The following UHMK1 variants were observed in gnomAD, a reference collection of about 807,000 sequenced individuals.
UHMK1 encodes the protein serine/threonine-protein kinase Kist.
Under a neutral mutation model 44.0 loss-of-function variants are expected in UHMK1, and 18 were observed. That is an observed-to-expected ratio of 0.41 (90% CI 0.28 to 0.61). The LOEUF (loss-of-function observed/expected upper bound fraction) is 0.61. Among genes scored for constraint, UHMK1 ranks in the 20% least tolerant of loss-of-function variants. The pLI is 0.31. For missense variants in UHMK1, 463 were observed against 522.5 expected, an observed-to-expected ratio of 0.89 and a Z score of 1.11; for synonymous variants, 231 against 198.5, an observed-to-expected ratio of 1.16 and a Z score of -1.38.
At chr1:162,504,761 A>G (rs115892532) in intron 4 of UHMK1, among the ~76,000 whole-genome samples, 2,064 of 152,098 alleles carry the variant, frequency 0.014, 19 homozygotes, top group Non-Finnish European at 0.02. Flanking sequence ...TGCCTACACT[A>G]AATTTATTTT....
chr1:162,522,379 T>C (rs766102444), intron 7 of UHMK1, 25 bp from the exon 8 acceptor site: 3 of 1,612,904 alleles, frequency 1.9e-6, no homozygotes, highest in Non-Finnish European at 2.5e-6. Context: ...GGAAATGAAA[T>C]GTTTTTTTCT....
In UHMK1 at chr1:162,515,393, A is replaced by G. The variant is rs114525401; in HGVS notation, c.1024+2570A>G. On this transcript the variant is annotated intron_variant, in intron 6 of 7. Coordinates refer to ENST00000489294, the MANE Select transcript of UHMK1 (RefSeq NM_175866.5). ...AGCTCTTATTTTTCTATTTAAAAAT[A>G]TCAATTGCTTAATATTAAATATTCT... Among the ~76,000 whole-genome samples, 901 of 152,330 alleles carry G rather than the reference A, an allele frequency of 5.9e-3. 10 individuals are homozygous for G. Among genetic ancestry groups the G allele is most frequent in the African/African-American group, 0.021 (853 of 41,582 alleles).
At chr1:162,514,331 T>C (rs570372637) in intron 6 of UHMK1, among the ~76,000 whole-genome samples, 2 of 151,992 alleles carry the variant, frequency 1.3e-5, no homozygotes, top group South Asian at 2.1e-4. Context: ...ACATGATGTC[T>C]CTCACTTACT....
Position 162,529,535 on chromosome 1 carries a change from A to G in UHMK1, c.*6985A>G, listed in dbSNP as rs1468502834. The stretch of plus-strand genomic sequence containing the variant: ...GTTCAGTTTTGTTGTAAACTGACTT[A>G]CCATAAGATGCACTGTTGATAATGC... On this transcript the variant is annotated 3_prime_UTR_variant, in exon 8 of 8. Transcript: ENST00000489294. 1 of 152,202 alleles carries G rather than the reference A, an allele frequency of 6.6e-6. No homozygotes were observed. Among genetic ancestry groups the G allele is most frequent in the Non-Finnish European group, 1.5e-5 (1 of 68,012 alleles). 9.4% of individuals were successfully genotyped at this position (152,202 alleles called of 1,614,324 possible).
chr1:162,505,376 A>C (rs1463997498), intron 4 of UHMK1, among the ~76,000 whole-genome samples: 1 of 151,898 alleles, frequency 6.6e-6, no homozygotes, highest in Admixed American at 6.6e-5. Context: ...TTTACAGTCA[A>C]CTTTTTGGGG....
chr1:162,520,916 A>T (rs1652031584), intron 7 of UHMK1, among the ~76,000 whole-genome samples: 1 of 152,212 alleles, frequency 6.6e-6, no homozygotes, highest in African/African-American at 2.4e-5. Flanking sequence ...AGACAGGAGA[A>T]GTCTTTTCCA....
rs1248622676 is a variant in UHMK1 at position 162,512,785 on chromosome 1, T to C, written c.986T>C (p.Leu329Pro). 6.2e-7 allele frequency: 1 copy of C among 1,614,072 alleles called. No homozygotes were observed. Among genetic ancestry groups the C allele is most frequent in the Non-Finnish European group, 8.5e-7 (1 of 1,180,028 alleles). Residue 329 changes from leucine (L) to proline (P), a missense_variant, in exon 6 of 8, where the codon CTG becomes CCG. This residue lies in a region of UHMK1 where 264 missense variants were observed against 326.3 expected (regional missense o/e 0.81). Coordinates refer to ENST00000489294, the MANE Select transcript of UHMK1 (RefSeq NM_175866.5). ...PTPVLRLLNVLDDDYLENEEE... is the reference protein window; with the variant it reads ...PTPVLRLLNVPDDDYLENEEE... ...CCAGTGCTAAGACTGCTGAATGTGC[T>C]GGATGATGATTATCTTGAGAATGAA...
chr1:162,502,809 C>G lies in UHMK1; in HGVS notation c.754-945C>G, dbSNP rs146108902. Among the ~76,000 whole-genome samples, 280 of 152,336 alleles carry G rather than the reference C, an allele frequency of 1.8e-3. 7 individuals are homozygous for G. In the East Asian group the frequency reaches 0.04, roughly 22 times the overall value. On this transcript the variant is annotated intron_variant, in intron 3 of 7. Transcript: ENST00000489294. Reference sequence around the variant, plus strand: ...TTACTAAGTTATTTATTTAGGTTCACTAAGCCATAGTTTGCTTTCTTTAAA... The same window carrying G: ...TTACTAAGTTATTTATTTAGGTTCAGTAAGCCATAGTTTGCTTTCTTTAAA...
At chr1:162,517,961 TTG>T in intron 6 of UHMK1, 139 bp from the exon 7 acceptor site, 1 of 579,630 alleles carries the variant, frequency 1.7e-6, no homozygotes, top group Non-Finnish European at 3.1e-6. Flanking sequence ...TTTGAATCAT[TTG>T]AATGTCAACT....
intron 1 of UHMK1, among the ~76,000 whole-genome samples, chr1:162,499,625 A>G (rs1011570262): frequency 2.0e-5 from 3 of 151,974 alleles, no homozygotes; most frequent in African/African-American, 4.8e-5. Context: ...ATTTATTTAT[A>G]TTTAGGTTTT....
At chr1:162,519,583 C>G (rs1651981951) in intron 7 of UHMK1, among the ~76,000 whole-genome samples, 1 of 152,172 alleles carries the variant, frequency 6.6e-6, no homozygotes, top group Non-Finnish European at 1.5e-5. Context: ...TGGGCTAAAA[C>G]TGTTATCACC....
intron 1 of UHMK1, among the ~76,000 whole-genome samples, chr1:162,498,668 G>A (rs1476290643): frequency 6.6e-6 from 1 of 152,216 alleles, no homozygotes; most frequent in Non-Finnish European, 1.5e-5. Flanking sequence ...ATCAATGCTA[G>A]TAACTCGTAT....
chr1:162,500,415 A>T (rs1651226473), intron 2 of UHMK1, 168 bp downstream of exon 2: 5 of 767,926 alleles, frequency 6.5e-6, no homozygotes, highest in South Asian at 6.1e-5. Flanking sequence ...GCCACCGTGT[A>T]AAAAAAGGAC....
In UHMK1 at chr1:162,529,289, T is replaced by C. The variant is rs901679303; in HGVS notation, c.*6739T>C. The stretch of plus-strand genomic sequence containing the variant: ...TTTTAAAGAAAAAACAAAAACTAAG[T>C]GGGACTATGTATGTAGATGTGTGTC... On this transcript the variant is annotated 3_prime_UTR_variant, in exon 8 of 8. Transcript: ENST00000489294. The C allele has an allele frequency of 2.6e-5, 4 of 152,114 alleles. No homozygotes were observed. The highest frequency in any genetic ancestry group is 5.9e-5 in the Non-Finnish European group (4 of 67,984). The allele number at this position is 152,114 out of a possible 1,614,324, so 9.4% of individuals were successfully genotyped here.
chr1:162,520,671 A>C (rs995133298), intron 7 of UHMK1, among the ~76,000 whole-genome samples: 1 of 152,220 alleles, frequency 6.6e-6, no homozygotes, highest in Admixed American at 6.5e-5. Context: ...AGATTTGAGG[A>C]GGCCAATGTG....
At chr1:162,504,689 T>G (rs865858177) in intron 4 of UHMK1, among the ~76,000 whole-genome samples, 7 of 152,200 alleles carry the variant, frequency 4.6e-5, no homozygotes, top group Middle Eastern at 3.4e-3. Context: ...GAGTGGTGAG[T>G]GAATGTGAGG....
chr1:162,502,051 C>T (rs546584497), intron 3 of UHMK1, among the ~76,000 whole-genome samples: 1 of 152,214 alleles, frequency 6.6e-6, no homozygotes, highest in South Asian at 2.1e-4. Context: ...TGGCACACAC[C>T]TGTAGTCCCA....
Position 162,528,907 on chromosome 1 carries a change from T to C in UHMK1, c.*6357T>C, listed in dbSNP as rs556905729. ...TGATCAGCCTTAGAAAATCTAAGTA[T>C]GATCAATAAATTTTAATGGTTGATG... On this transcript the variant is annotated 3_prime_UTR_variant, in exon 8 of 8. Coordinates refer to ENST00000489294, the MANE Select transcript of UHMK1 (RefSeq NM_175866.5). The C allele has an allele frequency of 1.3e-5, 2 of 152,236 alleles. No individual in the cohort carries two copies. Among genetic ancestry groups the C allele is most frequent in the African/African-American group, 4.8e-5 (2 of 41,582 alleles). 9.4% of individuals were successfully genotyped at this position (152,236 alleles called of 1,614,324 possible).
rs932167811 is a variant in UHMK1 at position 162,522,963 on chromosome 1, C to T, written c.*413C>T. On this transcript the variant is annotated 3_prime_UTR_variant, in exon 8 of 8. Transcript: ENST00000489294. ...TCTTTATGTTGTCCAGTGGTTCTTC[C>T]TTATTGTTGATATCCATAAGCTGGC... 2 of 161,810 alleles carry T rather than the reference C, an allele frequency of 1.2e-5. No homozygotes were observed. The highest frequency in any genetic ancestry group is 1.1e-4 in the Admixed American group (2 of 17,432). The allele number at this position is 161,810 out of a possible 1,614,324, so 10.0% of individuals were successfully genotyped here.
Sources: gnomAD v4.1 joint callset for allele counts (sites outside exome capture counted in the v4.1 genomes callset) on GRCh38, gnomAD v4.1.1 for gene constraint, gnomAD v4.1.1 regional missense constraint, MANE v1.5 for transcripts, NCBI Gene and HGNC (gene_info 2026-07-23, HGNC 2026-07-21) for gene names.